Variants in PTPRZ1 observed in about 807,000 individuals in gnomAD.
The protein encoded by PTPRZ1 is protein tyrosine phosphatase receptor type Z1.
In PTPRZ1, 82 loss-of-function variants were observed where a neutral mutation model predicts 214.1. The observed-to-expected ratio is 0.38, with a 90% CI of 0.32 to 0.46. The LOEUF is 0.46. PTPRZ1 is among the 20% of genes least tolerant of loss of function. PTPRZ1 has a pLI of 1.00. For synonymous variants in PTPRZ1, 945 were observed against 987.9 expected, an observed-to-expected ratio of 0.96 and a Z score of 0.81; for missense variants, 2,603 against 2,748.7, an observed-to-expected ratio of 0.95 and a Z score of 1.19.
Position 122,036,587 on chromosome 7 carries a change from C to G in PTPRZ1, c.5285-13C>G. 3 of 1,547,300 alleles carry G rather than the reference C, an allele frequency of 1.9e-6. No homozygotes were observed. The South Asian group carries it at 3.4e-5, about 17-fold the overall frequency. On this transcript the variant is annotated splice_polypyrimidine_tract_variant and intron_variant, in intron 17 of 29. Coordinates refer to ENST00000393386, the MANE Select transcript of PTPRZ1 (RefSeq NM_002851.3). ...TCTGTGCTACAATGAAATATATTCT[C>G]TTTATATTACAGATGATCATAGCAG...
intron 1 of PTPRZ1, among the ~76,000 whole-genome samples, chr7:121,898,549 T>C (rs981454475): frequency 1.8e-4 from 27 of 152,200 alleles, no homozygotes; most frequent in African/African-American, 6.0e-4. Flanking sequence ...TTTAATATAC[T>C]GTTTTTCTTC....
At chr7:122,015,232 G>T (rs1798810170) in intron 12 of PTPRZ1, among the ~76,000 whole-genome samples, 1 of 152,062 alleles carries the variant, frequency 6.6e-6, no homozygotes, top group Non-Finnish European at 1.5e-5. Flanking sequence ...GTTTAATAAT[G>T]AAACTATTTA....
chr7:122,017,438 C>T (rs1022822817), intron 12 of PTPRZ1, among the ~76,000 whole-genome samples: 1 of 152,034 alleles, frequency 6.6e-6, no homozygotes, highest in African/African-American at 2.4e-5. Flanking sequence ...GATTTTTAAT[C>T]ACACCTTTGA....
intron 8 of PTPRZ1, among the ~76,000 whole-genome samples, chr7:121,995,465 T>C (rs1220417261): frequency 1.3e-5 from 2 of 152,204 alleles, no homozygotes; most frequent in Non-Finnish European, 2.9e-5. Flanking sequence ...GTTTTTCTTT[T>C]CCAAATTAGT....
At chr7:122,040,395 C>T (rs559708142) in intron 20 of PTPRZ1, among the ~76,000 whole-genome samples, 2 of 152,288 alleles carry the variant, frequency 1.3e-5, no homozygotes, top group East Asian at 1.9e-4. Context: ...AGGATCTTTA[C>T]GTTGCACTGT....
chr7:121,992,618 A>G (rs1270281809), intron 8 of PTPRZ1, among the ~76,000 whole-genome samples: 1 of 152,194 alleles, frequency 6.6e-6, no homozygotes. Flanking sequence ...TTTTTTATAC[A>G]TTCCTCTATC....
intron 1 of PTPRZ1, among the ~76,000 whole-genome samples, chr7:121,896,476 A>G (rs1457108787): frequency 6.6e-6 from 1 of 152,152 alleles, no homozygotes; most frequent in African/African-American, 2.4e-5. Context: ...GGACACAGAA[A>G]ATTTGGTATA....
At chr7:122,005,460 C>A (rs1798457548) in intron 11 of PTPRZ1, among the ~76,000 whole-genome samples, 1 of 151,810 alleles carries the variant, frequency 6.6e-6, no homozygotes, top group Admixed American at 6.6e-5. Context: ...CAATAAATAA[C>A]AATTAGGTCT....
intron 1 of PTPRZ1, among the ~76,000 whole-genome samples, chr7:121,907,832 G>A (rs886822599): frequency 1.3e-5 from 2 of 152,080 alleles, no homozygotes; most frequent in Non-Finnish European, 1.5e-5. Flanking sequence ...GTAATTTAAT[G>A]AGATTCTGAA....
At chr7:122,006,538 GTA>G (rs1798491036) in intron 11 of PTPRZ1, among the ~76,000 whole-genome samples, 1 of 151,944 alleles carries the variant, frequency 6.6e-6, no homozygotes, top group Non-Finnish European at 1.5e-5. Context: ...CATAATGGAG[GTA>G]TATCTTTATT....
chr7:121,918,843 T>G (rs1309448008), intron 1 of PTPRZ1, among the ~76,000 whole-genome samples: 1 of 82,770 alleles, frequency 1.2e-5, no homozygotes, highest in Non-Finnish European at 2.3e-5. Flanking sequence ...ATATCATGTA[T>G]ATTTCAAAAA....
intron 23 of PTPRZ1, among the ~76,000 whole-genome samples, chr7:122,044,908 A>G (rs920340528): frequency 1.3e-5 from 2 of 151,826 alleles, no homozygotes; most frequent in African/African-American, 4.8e-5. Context: ...AAAAAAAAAA[A>G]CAGACCACTT....
At chr7:122,005,511 G>A (rs1798458880) in intron 11 of PTPRZ1, among the ~76,000 whole-genome samples, 1 of 151,780 alleles carries the variant, frequency 6.6e-6, no homozygotes, top group Admixed American at 6.6e-5. Flanking sequence ...TGTATCTTAT[G>A]GCTAGTCTCT....
chr7:122,061,331 T>A lies in PTPRZ1; in HGVS notation c.*111T>A. 9.0e-7 allele frequency: 1 copy of A among 1,105,638 alleles called. No individual in the cohort carries two copies. The highest frequency in any genetic ancestry group is 1.2e-6 in the Non-Finnish European group (1 of 832,712). 68.5% of individuals were successfully genotyped at this position (1,105,638 alleles called of 1,614,324 possible). ...CTGTTGATTTCCCATCACCTGACAGTAACTTTCATGACATAGGATTCTGCC... is the reference window on the plus strand; with the variant it reads ...CTGTTGATTTCCCATCACCTGACAGAAACTTTCATGACATAGGATTCTGCC... On this transcript the variant is annotated 3_prime_UTR_variant, in exon 30 of 30. Coordinates refer to ENST00000393386, the MANE Select transcript of PTPRZ1 (RefSeq NM_002851.3).
chr7:121,898,150 C>G (rs898681255), intron 1 of PTPRZ1, among the ~76,000 whole-genome samples: 25 of 151,924 alleles, frequency 1.6e-4, no homozygotes, highest in African/African-American at 6.0e-4. Context: ...AAACAGTAAA[C>G]CATGTAAGTA....
At chr7:122,052,248 A>G (rs1241807556) in intron 25 of PTPRZ1, among the ~76,000 whole-genome samples, 10 of 152,178 alleles carry the variant, frequency 6.6e-5, no homozygotes, top group Admixed American at 5.9e-4. Context: ...TCCTTCACTA[A>G]GGCAGAACCC....
chr7:121,940,662 T>C (rs1291730876), intron 2 of PTPRZ1, among the ~76,000 whole-genome samples: 1 of 152,238 alleles, frequency 6.6e-6, no homozygotes, highest in African/African-American at 2.4e-5. Context: ...GTCTGGTGCA[T>C]ATAAAGTGCT....
chr7:122,024,950 C>T (rs1471260676), intron 13 of PTPRZ1, among the ~76,000 whole-genome samples: 1 of 152,166 alleles, frequency 6.6e-6, no homozygotes, highest in East Asian at 1.9e-4. Context: ...ATCTCTCCTT[C>T]CAAAATGTTT....
intron 8 of PTPRZ1, among the ~76,000 whole-genome samples, chr7:121,993,572 C>CAAAAAAAAAAAAAAAAA (rs66916301): frequency 1.4e-5 from 1 of 73,604 alleles, no homozygotes; most frequent in African/African-American, 5.4e-5. Context: ...GAGACTGTCT[C>CAAAAAAAAAAAAAAAAA]AAAAAAAAAA....
Sources: allele counts gnomAD v4.1 joint callset (sites outside exome capture counted in the v4.1 genomes callset), GRCh38; gene constraint gnomAD v4.1.1; transcripts MANE v1.5; gene names NCBI Gene and HGNC (gene_info 2026-07-23, HGNC 2026-07-21).